TXK: variants seen among roughly 807,000 people sequenced by gnomAD.
TXK encodes tyrosine-protein kinase TXK.
In TXK, 60 loss-of-function variants were observed where a neutral mutation model predicts 81.0. The ratio of observed to expected loss-of-function variants is 0.74; its 90% CI spans 0.60 to 0.92. The LOEUF is 0.92. Ranked by LOEUF, TXK falls within the 40% of genes least tolerant of loss-of-function variation. The pLI is 0.00. For synonymous variants in TXK, 203 were observed against 210.7 expected, an observed-to-expected ratio of 0.96 and a Z score of 0.32; for missense variants, 581 against 638.3, an observed-to-expected ratio of 0.91 and a Z score of 0.97.
At chr4:48,081,282 T>C (rs1402035391) in intron 10 of TXK, among the ~76,000 whole-genome samples, 2 of 152,154 alleles carry the variant, frequency 1.3e-5, no homozygotes, top group African/African-American at 4.8e-5. Context: ...CATTTGAGAA[T>C]TGAAATGTTA....
chr4:48,111,437 A>C (rs1718629144), intron 4 of TXK, among the ~76,000 whole-genome samples: 1 of 152,186 alleles, frequency 6.6e-6, no homozygotes, highest in African/African-American at 2.4e-5. Context: ...TTTTGACATT[A>C]ATGTTTGCAT....
intron 1 of TXK, among the ~76,000 whole-genome samples, chr4:48,130,419 A>G (rs1719221116): frequency 6.6e-6 from 1 of 152,144 alleles, no homozygotes; most frequent in Non-Finnish European, 1.5e-5. Flanking sequence ...CAAGCAGGTC[A>G]TGGTGCCTCG....
intron 4 of TXK, among the ~76,000 whole-genome samples, chr4:48,112,010 C>T (rs3792623): frequency 6.6e-6 from 1 of 152,036 alleles, no homozygotes; most frequent in Non-Finnish European, 1.5e-5. Flanking sequence ...AGAATAAGAA[C>T]CTACATTGTC....
At position 48,089,819 on chromosome 4, in the gene TXK, T is replaced by G. The variant is rs570769288; in HGVS notation, c.715A>C (p.Met239Leu). Residue 239 changes from methionine to leucine, a missense_variant, in exon 9 of 15, where the codon ATG (methionine) becomes CTG (leucine). Met to Leu is a conservative substitution (Grantham distance 15). Transcript: ENST00000264316. ...WYHQHNAAGL[M>L]TRLRYPVGLM... ...CCAACTGGATATCGGAGACGAGTCA[T>G]GAGACCTAAGGAGAAAGAGAAATCA... The G allele has an allele frequency of 6.0e-5, 96 of 1,612,352 alleles. No homozygotes were observed. In the South Asian group the frequency reaches 1.0e-3, roughly 17 times the overall value.
At position 48,098,947 on chromosome 4, in the gene TXK, C is replaced by CA. The variant is rs33950837; in HGVS notation, c.502-3726dup. On this transcript the variant is annotated intron_variant, in intron 6 of 14. Coordinates refer to ENST00000264316, the MANE Select transcript of TXK (RefSeq NM_003328.3). The stretch of plus-strand genomic sequence containing the variant: ...GACTGTCAAAAAACAAACATACAAA[C>CA]AAAAAAAAAATGGGAAAAAAGAAAT... Among the ~76,000 whole-genome samples, 158 of 151,074 alleles carry CA rather than the reference C, an allele frequency of 1.0e-3. 1 individual carries two copies. The highest frequency in any genetic ancestry group is 3.3e-3 in the African/African-American group (134 of 41,148).
At chr4:48,074,215 T>A (rs556522379) in intron 12 of TXK, among the ~76,000 whole-genome samples, 162 bp from the exon 13 acceptor site, 3 of 152,332 alleles carry the variant, frequency 2.0e-5, no homozygotes, top group African/African-American at 7.2e-5. Flanking sequence ...TCCCTGATAA[T>A]GTTTCCTCCC....
intron 3 of TXK, 132 bp downstream of exon 3, chr4:48,113,075 C>T: frequency 1.9e-6 from 1 of 524,180 alleles, no homozygotes; most frequent in Non-Finnish European, 3.4e-6. Flanking sequence ...AACATTCCTT[C>T]ACAAATTACT....
intron 9 of TXK, among the ~76,000 whole-genome samples, 190 bp from the exon 10 acceptor site, chr4:48,086,827 A>G (rs1263716562): frequency 2.6e-5 from 4 of 152,240 alleles, no homozygotes; most frequent in African/African-American, 9.6e-5. Flanking sequence ...GTTTCAAAAC[A>G]CAAACTTTAT....
chr4:48,086,160 G>A (rs570294340), intron 10 of TXK, among the ~76,000 whole-genome samples: 13 of 152,310 alleles, frequency 8.5e-5, no homozygotes, highest in African/African-American at 3.1e-4. Context: ...CTCTTCACAA[G>A]GCATTCTGCA....
chr4:48,114,506 G>T, intron 1 of TXK, 104 bp from the exon 2 acceptor site: 1 of 1,205,284 alleles, frequency 8.3e-7, no homozygotes. Flanking sequence ...GCGTATGAAA[G>T]TCTCGATCGT....
intron 4 of TXK, among the ~76,000 whole-genome samples, chr4:48,112,003 A>G (rs967295469): frequency 3.3e-5 from 5 of 152,276 alleles, no homozygotes; most frequent in Non-Finnish European, 7.3e-5. Context: ...ACAAATTAGA[A>G]TAAGAACCTA....
chr4:48,084,883 C>T (rs1431057620), intron 10 of TXK, among the ~76,000 whole-genome samples: 4 of 152,072 alleles, frequency 2.6e-5, no homozygotes, highest in African/African-American at 9.7e-5. Flanking sequence ...TCCAGTTAAT[C>T]GAGAATGGGT....
intron 7 of TXK, 39 bp from the exon 8 acceptor site, chr4:48,094,243 G>T (rs1223164305): frequency 1.9e-6 from 3 of 1,604,604 alleles, no homozygotes; most frequent in Non-Finnish European, 1.7e-6. Flanking sequence ...AAATGTGAAA[G>T]ATCAATTTGG....
At chr4:48,105,587 T>A (rs1002874655) in intron 5 of TXK, among the ~76,000 whole-genome samples, 4 of 152,180 alleles carry the variant, frequency 2.6e-5, no homozygotes, top group African/African-American at 9.7e-5. Context: ...AAATGTTCAC[T>A]ATTTGGGTGA....
chr4:48,125,312 C>T (rs150621764), intron 1 of TXK, among the ~76,000 whole-genome samples: 6 of 152,294 alleles, frequency 3.9e-5, no homozygotes, highest in Admixed American at 3.3e-4. Flanking sequence ...CCACTTTGTC[C>T]CCATCCCCCA....
intron 7 of TXK, among the ~76,000 whole-genome samples, chr4:48,094,530 C>A (rs1717905113): frequency 6.6e-6 from 1 of 152,118 alleles, no homozygotes; most frequent in African/African-American, 2.4e-5. Context: ...GCACTGTAAG[C>A]AATTGGAGAT....
intron 10 of TXK, among the ~76,000 whole-genome samples, chr4:48,080,946 G>A (rs916386703): frequency 6.6e-6 from 1 of 151,882 alleles, no homozygotes; most frequent in Non-Finnish European, 1.5e-5. Flanking sequence ...CATTCATAAA[G>A]GTAAAATAAA....
chr4:48,094,404 T>C (rs1468838136), intron 7 of TXK, among the ~76,000 whole-genome samples, 200 bp from the exon 8 acceptor site: 5 of 152,220 alleles, frequency 3.3e-5, no homozygotes, highest in Non-Finnish European at 5.9e-5. Context: ...GATTCAAACA[T>C]AACTTCAGCC....
At chr4:48,074,689 TGAG>T (rs139986111) in intron 12 of TXK, among the ~76,000 whole-genome samples, 1,852 of 152,266 alleles carry the variant, frequency 0.012, 36 homozygotes, top group African/African-American at 0.042. Flanking sequence ...TGTCAGACAC[TGAG>T]GAGAAGAGAC....
Sources: allele counts gnomAD v4.1 joint callset (sites outside exome capture counted in the v4.1 genomes callset), GRCh38; gene constraint gnomAD v4.1.1; transcripts MANE v1.5; gene names NCBI Gene and HGNC (gene_info 2026-07-23, HGNC 2026-07-21).